WWC1: variants seen among roughly 807,000 people sequenced by gnomAD.
WWC1 encodes WW and C2 domain containing 1.
In WWC1, 55 loss-of-function variants were observed where a neutral mutation model predicts 138.4. The ratio of observed to expected loss-of-function variants is 0.40; its 90% confidence interval spans 0.32 to 0.50. WWC1 has a LOEUF of 0.50. Ranked by LOEUF, WWC1 falls within the 20% of genes least tolerant of loss-of-function variation. The probability of loss-of-function intolerance (pLI) is 0.72; values close to 1 mark genes in which losing one functional copy is unlikely to be tolerated. For synonymous variants in WWC1, 524 were observed against 564.9 expected (o/e 0.93, Z 1.03); for missense variants, 1,226 against 1,420.4 (o/e 0.86, Z 2.20).
intron 1 of WWC1, among the ~76,000 whole-genome samples, chr5:168,301,360 G>T (rs1004386500): frequency 2.0e-5 from 3 of 152,210 alleles, no homozygotes; most frequent in African/African-American, 7.2e-5. Flanking sequence ...GTGGGACTGG[G>T]TGCAGTGGCT....
At chr5:168,462,598 T>C (rs115864556) in intron 20 of WWC1, among the ~76,000 whole-genome samples, 1 of 152,296 alleles carries the variant, frequency 6.6e-6, no homozygotes, top group African/African-American at 2.4e-5. Flanking sequence ...TCCCCCTGCG[T>C]TTCCCACAGC....
intron 9 of WWC1, among the ~76,000 whole-genome samples, chr5:168,419,728 G>C (rs570410783): frequency 6.6e-6 from 1 of 152,326 alleles, no homozygotes; most frequent in South Asian, 2.1e-4. Flanking sequence ...GAGGGCACAG[G>C]CTTGCTCGAT....
chr5:168,408,188 A>C (rs898034914), intron 6 of WWC1, among the ~76,000 whole-genome samples: 1 of 151,998 alleles, frequency 6.6e-6, no homozygotes, highest in Non-Finnish European at 1.5e-5. Flanking sequence ...TAGGAGAGGA[A>C]ATTGAGGCAA....
At chr5:168,448,025 A>G (rs1397126345) in intron 17 of WWC1, among the ~76,000 whole-genome samples, 1 of 152,160 alleles carries the variant, frequency 6.6e-6, no homozygotes, top group African/African-American at 2.4e-5. Context: ...TTGTGCTGAG[A>G]CTTTTCAAGC....
intron 3 of WWC1, among the ~76,000 whole-genome samples, chr5:168,393,546 G>A (rs1301719467): frequency 6.6e-6 from 1 of 152,080 alleles, no homozygotes; most frequent in South Asian, 2.1e-4. Context: ...GTGTAGGGCC[G>A]AATAAGGCTA....
At chr5:168,403,004 CTTTTTCTTTCTT>C (rs748509161) in intron 5 of WWC1, among the ~76,000 whole-genome samples, 3,967 of 125,448 alleles carry the variant, frequency 0.032, 91 homozygotes, top group Middle Eastern at 0.053. Flanking sequence ...TCTGTTGTTT[CTTTTTCTTTCTT>C]TCTTTCTTTC....
At chr5:168,437,719 G>C (rs1754362614) in intron 15 of WWC1, among the ~76,000 whole-genome samples, 1 of 152,162 alleles carries the variant, frequency 6.6e-6, no homozygotes, top group South Asian at 2.1e-4. Flanking sequence ...ACACCTGTGA[G>C]CCCGCCCCAG....
In WWC1 at chr5:168,431,388, A is replaced by G. The variant is rs1347459941; in HGVS notation, c.2224A>G (p.Lys742Glu). ...CATGTCCTATCCAGCCCTTCACCAG[A>G]AGACCTTAAGAGTCGATGTCTGTAC... Reference protein sequence around the residue: ...VSMSYPALHQKTLRVDVCTTD... With the variant: ...VSMSYPALHQETLRVDVCTTD... Residue 742 changes from lysine (K) to glutamate (E), a missense_variant, in exon 15 of 23, where the codon AAG (lysine) becomes GAG (glutamate). Lys to Glu is a moderately conservative substitution (Grantham distance 56). This residue lies in a region of WWC1 where 1,016 missense variants were observed against 1,153.9 expected (regional missense o/e 0.88). Coordinates refer to ENST00000265293, the MANE Select transcript of WWC1 (RefSeq NM_015238.3). The G allele has an allele frequency of 1.2e-6, 2 of 1,614,050 alleles. No homozygotes were observed. Among genetic ancestry groups the G allele is most frequent in the South Asian group, 2.2e-5 (2 of 91,060 alleles).
chr5:168,464,048 G>A (rs141234212), intron 20 of WWC1, among the ~76,000 whole-genome samples: 1 of 152,130 alleles, frequency 6.6e-6, no homozygotes, highest in Non-Finnish European at 1.5e-5. Context: ...CTGAGATGCA[G>A]ACTGGCCAGG....
At chr5:168,320,005 A>T (rs1003459394) in intron 1 of WWC1, among the ~76,000 whole-genome samples, 4 of 149,906 alleles carry the variant, frequency 2.7e-5, no homozygotes, top group Non-Finnish European at 4.4e-5. Flanking sequence ...TTCCCTAGTG[A>T]TGAGTGATGT....
At chr5:168,426,704 G>A (rs141741679) in intron 11 of WWC1, among the ~76,000 whole-genome samples, 1 of 152,334 alleles carries the variant, frequency 6.6e-6, no homozygotes, top group Non-Finnish European at 1.5e-5. Flanking sequence ...ACCAGCACTT[G>A]CAGTCTCCCA....
intron 1 of WWC1, among the ~76,000 whole-genome samples, chr5:168,301,116 A>G (rs570648836): frequency 1.4e-3 from 218 of 152,322 alleles, no homozygotes; most frequent in Non-Finnish European, 1.2e-3. Context: ...GCCAAACACT[A>G]TTGCTCATCA....
intron 1 of WWC1, among the ~76,000 whole-genome samples, chr5:168,324,606 A>AT (rs964572001): frequency 4.1e-4 from 61 of 150,536 alleles, no homozygotes; most frequent in Admixed American, 7.9e-4. Context: ...ATTGTGGATG[A>AT]TTTTTTTTTT....
chr5:168,352,617 T>C (rs1305753537), intron 1 of WWC1, among the ~76,000 whole-genome samples: 3 of 151,354 alleles, frequency 2.0e-5, no homozygotes, highest in Admixed American at 2.0e-4. Context: ...GGAGTCTTAC[T>C]CTGTCACCCA....
intron 20 of WWC1, among the ~76,000 whole-genome samples, chr5:168,461,784 G>A (rs1374880553): frequency 6.6e-6 from 1 of 152,182 alleles, no homozygotes; most frequent in Non-Finnish European, 1.5e-5. Context: ...AAGGGGCCAG[G>A]CGTGGTGGCT....
intron 1 of WWC1, among the ~76,000 whole-genome samples, chr5:168,360,577 C>T (rs1299210094): frequency 1.3e-5 from 2 of 152,140 alleles, no homozygotes; most frequent in African/African-American, 2.4e-5. Flanking sequence ...CAGAGGGTGC[C>T]TTAGGGGTGT....
At chr5:168,461,724 T>G (rs1185026895) in intron 20 of WWC1, among the ~76,000 whole-genome samples, 1 of 152,120 alleles carries the variant, frequency 6.6e-6, no homozygotes, top group Non-Finnish European at 1.5e-5. Context: ...TTCTGTCTAA[T>G]GAGTTTGCAG....
At chr5:168,418,971 C>T (rs1780873719) in intron 9 of WWC1, among the ~76,000 whole-genome samples, 1 of 152,156 alleles carries the variant, frequency 6.6e-6, no homozygotes, top group African/African-American at 2.4e-5. Flanking sequence ...AGAACCATGC[C>T]AAGGCCACTC....
At chr5:168,390,589 C>T (rs573810671) in intron 3 of WWC1, among the ~76,000 whole-genome samples, 23 of 152,368 alleles carry the variant, frequency 1.5e-4, no homozygotes, top group Admixed American at 4.6e-4. Flanking sequence ...CAAGCCTCAT[C>T]ATGACTCTGT....
Sources: gnomAD v4.1 joint callset for allele counts (sites outside exome capture counted in the v4.1 genomes callset) on GRCh38, gnomAD v4.1.1 for gene constraint, gnomAD v4.1.1 regional missense constraint, MANE v1.5 for transcripts, NCBI Gene and HGNC (gene_info 2026-07-23, HGNC 2026-07-21) for gene names.